PCNX1: variants seen among roughly 807,000 people sequenced by gnomAD.
PCNX1 encodes pecanex 1.
Under a neutral mutation model 242.2 loss-of-function variants are expected in PCNX1, and 78 were observed. That is an observed-to-expected ratio of 0.32 (90% CI 0.27 to 0.39). The LOEUF (loss-of-function observed/expected upper bound fraction) is 0.39. Among genes scored for constraint, PCNX1 ranks in the 10% least tolerant of loss-of-function variants. The pLI is 1.00. For missense variants in PCNX1, 2,581 were observed against 2,856.5 expected (o/e 0.90, Z 2.20); for synonymous variants, 1,024 against 1,032.9 (o/e 0.99, Z 0.17).
intron 11 of PCNX1, 86 bp from the exon 12 acceptor site, chr14:71,018,923 A>T: frequency 3.5e-6 from 4 of 1,158,278 alleles, no homozygotes; most frequent in Non-Finnish European, 4.9e-6. Context: ...CATGAACTTC[A>T]TATTTATGTC....
chr14:70,908,708 G>C (rs943865935), intron 1 of PCNX1, among the ~76,000 whole-genome samples: 1 of 152,260 alleles, frequency 6.6e-6, no homozygotes, highest in East Asian at 1.9e-4. Context: ...GCCTCCCTGG[G>C]GGGAGGGAGC....
chr14:70,915,417 A>G (rs12896855), intron 1 of PCNX1, among the ~76,000 whole-genome samples: 17,448 of 152,230 alleles, frequency 0.11, 1,108 homozygotes, highest in Admixed American at 0.19. Context: ...TGGTAATTCC[A>G]TCACCCCTGT....
chr14:71,006,149 G>C (rs1235671222), intron 8 of PCNX1, among the ~76,000 whole-genome samples: 2 of 117,594 alleles, frequency 1.7e-5, no homozygotes, highest in African/African-American at 7.7e-5. Context: ...GTGTGTGTGT[G>C]TGTGTGTGTG....
At chr14:70,944,869 A>G (rs1405151481) in intron 1 of PCNX1, among the ~76,000 whole-genome samples, 2 of 152,052 alleles carry the variant, frequency 1.3e-5, no homozygotes, top group African/African-American at 4.8e-5. Flanking sequence ...CTTGGTATTC[A>G]TTTCTCTCTC....
chr14:71,102,209 A>G lies in PCNX1; in HGVS notation c.5809A>G (p.Arg1937Gly), dbSNP rs1229844320. The change falls in exon 31 of 36, where the codon AGG becomes GGG. Residue 1937 changes from arginine (R) to glycine (G), a missense_variant. Around this residue, in one of 9 missense-constraint regions of PCNX1, gnomAD observed 298 missense variants for 480.1 expected, o/e 0.62. Coordinates refer to ENST00000304743, the MANE Select transcript of PCNX1 (RefSeq NM_014982.3). ...IMLNRRYLSF[R>G]VIKVNKECVR... Reference sequence around the variant, plus strand: ...GCTCAACAGACGCTACCTGAGCTTCAGGGTCATTAAAGTAAGTGTTTGAGG... The same window carrying G: ...GCTCAACAGACGCTACCTGAGCTTCGGGGTCATTAAAGTAAGTGTTTGAGG... 3 of 1,608,546 alleles carry G rather than the reference A, an allele frequency of 1.9e-6. No individual in the cohort carries two copies. Among genetic ancestry groups the G allele is most frequent in the Non-Finnish European group, 2.6e-6 (3 of 1,175,020 alleles).
At chr14:71,060,568 G>T (rs1406099970) in intron 26 of PCNX1, 1 of 152,158 alleles carries the variant, frequency 6.6e-6, no homozygotes, top group Non-Finnish European at 1.5e-5. Flanking sequence ...GCCACATCGA[G>T]TAGATTGACC....
chr14:71,047,730 G>C (rs1235573450), intron 21 of PCNX1, 77 bp from the exon 22 acceptor site: 1 of 1,201,844 alleles, frequency 8.3e-7, no homozygotes, highest in Non-Finnish European at 1.2e-6. Context: ...TAAAGTAAAT[G>C]GTGAATTTTA....
chr14:71,036,661 G>A (rs1253239924), intron 19 of PCNX1, among the ~76,000 whole-genome samples: 2 of 152,142 alleles, frequency 1.3e-5, no homozygotes, highest in Non-Finnish European at 2.9e-5. Flanking sequence ...GCACGATGAT[G>A]ACATTGCCTA....
chr14:71,051,560 A>T (rs1188419871), intron 23 of PCNX1, among the ~76,000 whole-genome samples: 1 of 152,322 alleles, frequency 6.6e-6, no homozygotes, highest in East Asian at 1.9e-4. Flanking sequence ...GACTTATGGT[A>T]TCTGCAAGTT....
intron 33 of PCNX1, among the ~76,000 whole-genome samples, chr14:71,107,723 C>G (rs187069014): frequency 3.9e-5 from 6 of 152,262 alleles, no homozygotes; most frequent in Admixed American, 6.5e-5. Context: ...CACTGTCTCT[C>G]TATAGACAGT....
intron 26 of PCNX1, among the ~76,000 whole-genome samples, chr14:71,064,721 A>C (rs1443787248): frequency 6.6e-6 from 1 of 152,110 alleles, no homozygotes; most frequent in African/African-American, 2.4e-5. Flanking sequence ...TGCACCCGTT[A>C]ACTAGTGATC....
chr14:70,917,957 CT>C (rs1345188988), intron 1 of PCNX1, among the ~76,000 whole-genome samples: 1 of 152,110 alleles, frequency 6.6e-6, no homozygotes, highest in Non-Finnish European at 1.5e-5. Context: ...TTCATGTAAA[CT>C]TTTATGTTAT....
At chr14:71,053,526 C>T (rs1175357148) in intron 24 of PCNX1, 1 of 317,782 alleles carries the variant, frequency 3.1e-6, no homozygotes, top group African/African-American at 2.2e-5. Flanking sequence ...CCATGTTGAC[C>T]AGGCTGGTCT....
chr14:70,959,036 TTATATA>T (rs1243936190), intron 2 of PCNX1, among the ~76,000 whole-genome samples: 4 of 144,034 alleles, frequency 2.8e-5, no homozygotes, highest in African/African-American at 1.0e-4. Context: ...AAAAAAAAGA[TTATATA>T]TAGACTATTG....
rs746484450 is a variant in PCNX1 at position 70,978,458 on chromosome 14, A to G, written c.2121A>G (p.Leu707=). The G allele has an allele frequency of 1.2e-6, 2 of 1,614,184 alleles. No homozygotes were observed. Among genetic ancestry groups the G allele is most frequent in the Non-Finnish European group, 1.7e-6 (2 of 1,180,012 alleles). Residue 707 remains leucine, a synonymous_variant, in exon 6 of 36, where the codon TTA becomes TTG. Transcript: ENST00000304743. ...CATGTTTGAATGACTCAAACAGGTT[A>G]ATGGCACCTGAAAGTATAAAGCCCT... ...TVACLNDSNR[L]MAPESIKPLT...
chr14:71,043,346 C>T (rs1055889871), intron 19 of PCNX1, among the ~76,000 whole-genome samples: 2 of 152,272 alleles, frequency 1.3e-5, no homozygotes, highest in African/African-American at 2.4e-5. Flanking sequence ...TGTATTTCCT[C>T]TAAGACTTGG....
intron 1 of PCNX1, among the ~76,000 whole-genome samples, chr14:70,908,525 C>G (rs757901531): frequency 5.3e-5 from 8 of 152,318 alleles, no homozygotes; most frequent in Non-Finnish European, 1.0e-4. Flanking sequence ...CGCGGGGGAC[C>G]GTGCGGCTCT....
At chr14:71,109,154 A>C in intron 34 of PCNX1, 108 bp downstream of exon 34, 1 of 1,002,824 alleles carries the variant, frequency 1.0e-6, no homozygotes, top group Non-Finnish European at 1.4e-6. Flanking sequence ...TCTTAGTCTC[A>C]GGACTAGAAT....
chr14:70,983,156 A>G (rs1207418742), intron 6 of PCNX1, among the ~76,000 whole-genome samples: 1 of 152,214 alleles, frequency 6.6e-6, no homozygotes, highest in Non-Finnish European at 1.5e-5. Flanking sequence ...ACGGGTTGAT[A>G]TCTTTCATCC....
Sources: gnomAD v4.1 joint callset for allele counts (sites outside exome capture counted in the v4.1 genomes callset) on GRCh38, gnomAD v4.1.1 for gene constraint, gnomAD v4.1.1 regional missense constraint, MANE v1.5 for transcripts, NCBI Gene and HGNC (gene_info 2026-07-23, HGNC 2026-07-21) for gene names.